Variants in RCC1 observed in about 807,000 individuals in gnomAD.
RCC1 encodes regulator of chromosome condensation 1, also known as regulator of chromosome condensation.
A neutral mutation model predicts 44.4 loss-of-function variants in RCC1; 11 were observed. The ratio of observed to expected loss-of-function variants is 0.25; its 90% confidence interval spans 0.16 to 0.41. The LOEUF (loss-of-function observed/expected upper bound fraction) is 0.41. RCC1 is among the 10% of genes least tolerant of loss of function. RCC1 has a pLI of 1.00. For missense variants in RCC1, 386 were observed against 547.1 expected (o/e 0.71, Z 2.94); for synonymous variants, 213 against 216.5 (o/e 0.98, Z 0.14).
In RCC1 at chr1:28,536,433, A is replaced by G; in HGVS notation, c.937+52A>G. ...TTGGGGGTGGAGTGTTCCCTGGCCT[A>G]GGCCTAGCCAGATTCCTGAGACCAT... On this transcript the variant is annotated intron_variant, in intron 11 of 12. Transcript: ENST00000683442. This position sits in a 1 kb window ranked among gnomAD's most constrained non-coding sequence, Gnocchi z 4.9. The G allele has an allele frequency of 6.3e-7, 1 of 1,582,048 alleles. No individual in the cohort carries two copies. The highest frequency in any genetic ancestry group is 8.6e-7 in the Non-Finnish European group (1 of 1,168,302).
chr1:28,535,204 C>T, intron 8 of RCC1, 54 bp from the exon 9 acceptor site: 3 of 1,614,132 alleles, frequency 1.9e-6, no homozygotes, highest in South Asian at 1.1e-5. Flanking sequence ...CTGGGGCTGG[C>T]CTAGCCTTGG....
intron 4 of RCC1, among the ~76,000 whole-genome samples, chr1:28,527,908 C>T (rs184731354): frequency 6.6e-6 from 1 of 150,922 alleles, no homozygotes; most frequent in African/African-American, 2.4e-5. Flanking sequence ...ACTCCAGAGG[C>T]TGAGGCAGGA....
intron 4 of RCC1, among the ~76,000 whole-genome samples, chr1:28,528,844 CTTTTTTTT>C (rs59005617): frequency 1.1e-5 from 1 of 87,228 alleles, no homozygotes; most frequent in African/African-American, 5.3e-5. Context: ...GTTTTTCTTC[CTTTTTTTT>C]TTTTTTTTTT....
chr1:28,527,182 T>C (rs1663722401), intron 4 of RCC1: 4 of 1,206,902 alleles, frequency 3.3e-6, no homozygotes, highest in Non-Finnish European at 4.8e-6. Flanking sequence ...GGCACTCACA[T>C]GCCGGGCAAC....
At chr1:28,512,307 T>C (rs1457349839) in intron 3 of RCC1, among the ~76,000 whole-genome samples, 1 of 152,142 alleles carries the variant, frequency 6.6e-6, no homozygotes, top group Non-Finnish European at 1.5e-5. Flanking sequence ...TCACTGGCTC[T>C]TGAAGGCAGG....
intron 7 of RCC1, among the ~76,000 whole-genome samples, chr1:28,533,158 G>C (rs1196260239): frequency 6.6e-6 from 1 of 151,790 alleles, no homozygotes; most frequent in Non-Finnish European, 1.5e-5. Context: ...TTTTCATGGA[G>C]AATTTCAAAC....
intron 3 of RCC1, 190 bp downstream of exon 3, chr1:28,509,095 G>GC (rs1377501309): frequency 4.2e-5 from 15 of 353,434 alleles, no homozygotes; most frequent in African/African-American, 2.8e-4. Flanking sequence ...AAGCCACCAC[G>GC]CCCAGCCCTC....
At chr1:28,527,847 T>G (rs941910933) in intron 4 of RCC1, among the ~76,000 whole-genome samples, 1 of 151,094 alleles carries the variant, frequency 6.6e-6, no homozygotes, top group African/African-American at 2.4e-5. Context: ...CCATCTCTAC[T>G]AAAAATACAA....
chr1:28,510,760 C>G (rs1434088647), intron 3 of RCC1: 1 of 152,388 alleles, frequency 6.6e-6, no homozygotes, highest in Non-Finnish European at 1.5e-5. Context: ...GGCACCTCTG[C>G]AGAAACAAGC....
At chr1:28,511,844 T>G (rs1257668633) in intron 3 of RCC1, among the ~76,000 whole-genome samples, 5 of 151,722 alleles carry the variant, frequency 3.3e-5, no homozygotes, top group Non-Finnish European at 7.4e-5. Context: ...TTGCATTTTT[T>G]AGTAGAGACG....
At chr1:28,530,677 T>C in intron 5 of RCC1, 1 of 1,384,152 alleles carries the variant, frequency 7.2e-7, no homozygotes, top group Non-Finnish European at 9.8e-7. Flanking sequence ...GGTGGCCACA[T>C]CCTCGGGGGA....
At chr1:28,514,697 G>T (rs1662781547) in intron 3 of RCC1, among the ~76,000 whole-genome samples, 1 of 150,420 alleles carries the variant, frequency 6.6e-6, no homozygotes, top group South Asian at 2.1e-4. Context: ...GGAGGCAGAG[G>T]TTGCAGTGAG....
In RCC1 at chr1:28,536,564, TG is replaced by T. The variant is rs1218149080; in HGVS notation, c.938-178del. 6.6e-6 allele frequency among the ~76,000 whole-genome samples: 1 copy of T among 152,094 alleles called. No individual in the cohort carries two copies. The highest frequency in any genetic ancestry group is 1.5e-5 in the Non-Finnish European group (1 of 68,006). ...GGTGTTCTTCCAAGTGTGAGTTCAATGGGGGCCCATGTAGATTCTCCTAGGC... is the reference window on the plus strand; with the variant it reads ...GGTGTTCTTCCAAGTGTGAGTTCAATGGGGCCCATGTAGATTCTCCTAGGC... On this transcript the variant is annotated intron_variant, in intron 11 of 12. Transcript: ENST00000683442. The surrounding 1 kb of genome is among the most constrained non-coding windows in gnomAD (Gnocchi z 4.9).
intron 3 of RCC1, among the ~76,000 whole-genome samples, chr1:28,513,181 C>CA (rs1401180366): frequency 1.3e-5 from 2 of 151,934 alleles, no homozygotes; most frequent in Non-Finnish European, 2.9e-5. Flanking sequence ...GAATTACAGT[C>CA]ACGCACCACC....
chr1:28,530,559 C>T (rs894268378), intron 5 of RCC1: 3 of 1,606,354 alleles, frequency 1.9e-6, no homozygotes, highest in East Asian at 2.2e-5. Flanking sequence ...GTTCCTGGCG[C>T]CCGCTCCTGC....
At chr1:28,522,708 T>A (rs551364189) in intron 4 of RCC1, among the ~76,000 whole-genome samples, 121 of 151,788 alleles carry the variant, frequency 8.0e-4, no homozygotes, top group African/African-American at 2.8e-3. Flanking sequence ...CCAGCTACTC[T>A]GGAGGCTGAG....
intron 1 of RCC1, chr1:28,507,400 G>A (rs774966450): frequency 7.7e-6 from 4 of 518,850 alleles, no homozygotes; most frequent in African/African-American, 1.9e-5. Context: ...CACTCTCCCC[G>A]GGCTCTGTCC....
intron 4 of RCC1, among the ~76,000 whole-genome samples, chr1:28,528,874 G>A (rs1197265672): frequency 1.4e-5 from 2 of 143,358 alleles, no homozygotes; most frequent in Non-Finnish European, 3.0e-5. Context: ...TGGTTGGGGG[G>A]TGGAGTTTCA....
chr1:28,507,957 G>A, intron 1 of RCC1, 171 bp from the exon 2 acceptor site: 3 of 300,478 alleles, frequency 1.0e-5, no homozygotes, highest in South Asian at 5.7e-5. Context: ...AAGTAGCCAG[G>A]CATGATGATA....
Sources: allele counts gnomAD v4.1 joint callset (sites outside exome capture counted in the v4.1 genomes callset), GRCh38; gene constraint gnomAD v4.1.1; non-coding constraint Gnocchi (gnomAD v3.1); transcripts MANE v1.5; gene names NCBI Gene and HGNC (gene_info 2026-07-23, HGNC 2026-07-21).